Variants in OPCML observed in about 807,000 individuals in gnomAD.
OPCML encodes the protein opioid binding protein/cell adhesion molecule like, also known as opioid-binding protein/cell adhesion molecule.
In OPCML, 13 loss-of-function variants were observed where a neutral mutation model predicts 37.8. The observed-to-expected ratio is 0.34, with a 90% CI of 0.22 to 0.55. The LOEUF (loss-of-function observed/expected upper bound fraction) is 0.55, where lower values mean the gene tolerates loss of function less well. Among genes scored for constraint, OPCML ranks in the 20% least tolerant of loss-of-function variants. The pLI is 0.91. For synonymous variants in OPCML, 176 were observed against 168.8 expected (o/e 1.04, Z -0.33); for missense variants, 341 against 435.6 (o/e 0.78, Z 1.93).
At chr11:132,716,180 G>A (rs529057196) in intron 2 of OPCML, among the ~76,000 whole-genome samples, 2 of 152,286 alleles carry the variant, frequency 1.3e-5, no homozygotes, top group South Asian at 2.1e-4. Context: ...TGTGCAGGCA[G>A]GTAATGAGAG....
chr11:132,456,157 G>A (rs954873417), intron 4 of OPCML, among the ~76,000 whole-genome samples: 1 of 152,202 alleles, frequency 6.6e-6, no homozygotes, highest in Admixed American at 6.5e-5. Context: ...CAGAGGTTCA[G>A]AGGAAACCTT....
intron 1 of OPCML, among the ~76,000 whole-genome samples, chr11:133,239,109 G>A (rs1940631053): frequency 1.3e-5 from 2 of 152,186 alleles, no homozygotes; most frequent in African/African-American, 4.8e-5. Context: ...AGGTGTGCAG[G>A]GGAAGGGTGT....
At chr11:132,436,054 G>GAGCCCACTGCA in intron 7 of OPCML, 32 bp downstream of exon 7, 1 of 1,601,592 alleles carries the variant, frequency 6.2e-7, no homozygotes, top group Non-Finnish European at 8.5e-7. Flanking sequence ...CCATGTGGCT[G>GAGCCCACTGCA]AGCCCACTGC....
At chr11:132,861,117 A>G (rs931988506) in intron 2 of OPCML, among the ~76,000 whole-genome samples, 2 of 152,244 alleles carry the variant, frequency 1.3e-5, no homozygotes, top group Non-Finnish European at 2.9e-5. Context: ...TCACAGATGA[A>G]GGAATCAAAA....
At chr11:133,490,694 G>A (rs1411570429) in intron 1 of OPCML, among the ~76,000 whole-genome samples, 1 of 152,050 alleles carries the variant, frequency 6.6e-6, no homozygotes, top group Non-Finnish European at 1.5e-5. Context: ...AGCTCCCATG[G>A]CAGTCTCTCC....
intron 3 of OPCML, among the ~76,000 whole-genome samples, chr11:132,636,827 G>A (rs1014646596): frequency 5.9e-5 from 9 of 152,206 alleles, no homozygotes; most frequent in Admixed American, 2.0e-4. Context: ...AGTACTGTCT[G>A]CTCACTAATA....
chr11:132,996,631 A>T (rs1184496426), intron 1 of OPCML, among the ~76,000 whole-genome samples: 1 of 151,782 alleles, frequency 6.6e-6, no homozygotes, highest in African/African-American at 2.4e-5. Context: ...AAAAAAAAAA[A>T]AAAAATACTT....
At chr11:132,436,317 C>G in intron 6 of OPCML, 80 bp from the exon 7 acceptor site, 1 of 1,607,420 alleles carries the variant, frequency 6.2e-7, no homozygotes, top group South Asian at 1.1e-5. Flanking sequence ...TCCAACTAAT[C>G]TCGTCCTTCA....
At chr11:132,994,311 T>C (rs1245430319) in intron 1 of OPCML, among the ~76,000 whole-genome samples, 1 of 152,082 alleles carries the variant, frequency 6.6e-6, no homozygotes, top group Admixed American at 6.5e-5. Context: ...GATTTTCTAA[T>C]TAAACTTTTG....
chr11:133,009,017 T>C, intron 1 of OPCML: 1 of 985,476 alleles, frequency 1.0e-6, no homozygotes, highest in Non-Finnish European at 1.2e-6. Context: ...ATTTGACATC[T>C]GTTTCAAGTT....
At chr11:132,433,163 A>C (rs1345586273) in intron 7 of OPCML, among the ~76,000 whole-genome samples, 1 of 152,188 alleles carries the variant, frequency 6.6e-6, no homozygotes, top group Non-Finnish European at 1.5e-5. Context: ...AGTCCAGTTG[A>C]GCAGTGACTC....
chr11:133,335,204 G>C (rs1565578594), intron 1 of OPCML, among the ~76,000 whole-genome samples: 1 of 152,156 alleles, frequency 6.6e-6, no homozygotes, highest in East Asian at 1.9e-4. Context: ...CATCTTTCAT[G>C]ATGGGCAAGG....
At chr11:133,331,829 T>C (rs1257257065) in intron 1 of OPCML, among the ~76,000 whole-genome samples, 2 of 152,190 alleles carry the variant, frequency 1.3e-5, no homozygotes, top group African/African-American at 4.8e-5. Context: ...TTTACATTTA[T>C]AAAAACCTAC....
At chr11:132,663,724 T>C (rs1942084723) in intron 2 of OPCML, among the ~76,000 whole-genome samples, 1 of 152,214 alleles carries the variant, frequency 6.6e-6, no homozygotes, top group East Asian at 1.9e-4. Flanking sequence ...GAAGGAGAAC[T>C]TCGTTATCAC....
At chr11:133,446,891 T>C (rs1311969489) in intron 1 of OPCML, among the ~76,000 whole-genome samples, 1 of 152,260 alleles carries the variant, frequency 6.6e-6, no homozygotes, top group Non-Finnish European at 1.5e-5. Flanking sequence ...TATTGTTGAA[T>C]AGTACATTGC....
intron 1 of OPCML, among the ~76,000 whole-genome samples, chr11:133,063,936 T>C (rs982308502): frequency 6.6e-6 from 1 of 152,224 alleles, no homozygotes. Context: ...TGGGTGTTTT[T>C]GTGAAACGGG....
chr11:132,897,792 CTGGA>C (rs1408237672), intron 2 of OPCML, among the ~76,000 whole-genome samples: 30 of 152,242 alleles, frequency 2.0e-4, no homozygotes, highest in African/African-American at 7.2e-4. Flanking sequence ...GATTCACAGG[CTGGA>C]TGGTCAGGGA....
At chr11:133,317,068 A>C (rs1458342826) in intron 1 of OPCML, among the ~76,000 whole-genome samples, 2 of 152,132 alleles carry the variant, frequency 1.3e-5, no homozygotes, top group African/African-American at 4.8e-5. Flanking sequence ...CGTGGTGGCG[A>C]ATGCCTGTAG....
intron 2 of OPCML, among the ~76,000 whole-genome samples, chr11:132,737,652 A>T (rs1021815407): frequency 6.6e-6 from 1 of 152,204 alleles, no homozygotes; most frequent in African/African-American, 2.4e-5. Flanking sequence ...CCAATTAAAA[A>T]TCATGCTGTG....
Sources: allele counts gnomAD v4.1 joint callset (sites outside exome capture counted in the v4.1 genomes callset), GRCh38; gene constraint gnomAD v4.1.1; transcripts MANE v1.5; gene names NCBI Gene and HGNC (gene_info 2026-07-23, HGNC 2026-07-21).